The following UMODL1 variants were observed in gnomAD, a reference collection of about 807,000 sequenced individuals.
UMODL1 encodes uromodulin like 1, also known as uromodulin-like 1.
UMODL1 carries 128 observed loss-of-function variants against 136.3 expected under a neutral mutation model. That is an observed-to-expected ratio of 0.94 (90% confidence interval 0.81 to 1.09). UMODL1 has a LOEUF of 1.09. Among genes scored for constraint, UMODL1 ranks in the 50% least tolerant of loss-of-function variants. The pLI, the probability that UMODL1 is intolerant of heterozygous loss-of-function variation, is 0.00. For synonymous variants in UMODL1, 721 were observed against 720.0 expected (o/e 1.00, Z -0.02); for missense variants, 1,766 against 1,725.6 (o/e 1.02, Z -0.41).
intron 20 of UMODL1, 24 bp from the exon 21 acceptor site, chr21:42,129,688 TC>T (rs2067107452): frequency 6.4e-7 from 1 of 1,561,012 alleles, no homozygotes; most frequent in Non-Finnish European, 8.6e-7. Flanking sequence ...ATTTGACGTT[TC>T]TCTTCTTGGA....
At chr21:42,119,489 C>T (rs750200563) in intron 15 of UMODL1, among the ~76,000 whole-genome samples, 165 bp downstream of exon 15, 1 of 152,206 alleles carries the variant, frequency 6.6e-6, no homozygotes, top group Non-Finnish European at 1.5e-5. Flanking sequence ...GTCTGTCCCT[C>T]TTATTGTGAT....
At chr21:42,082,580 C>T (rs563133234) in intron 2 of UMODL1, among the ~76,000 whole-genome samples, 1 of 152,186 alleles carries the variant, frequency 6.6e-6, no homozygotes, top group Admixed American at 6.5e-5. Context: ...GCTGGGCAAG[C>T]CTTCTCTGGG....
At chr21:42,071,273 C>A, upstream of UMODL1, 1 of 1,476,330 alleles carries the variant, frequency 6.8e-7, no homozygotes, top group African/African-American at 1.4e-5. Flanking sequence ...ACCCAGGCTT[C>A]TTGGTAGAGG....
rs761019675 is a variant in UMODL1, at chr21:42,137,548, C to A, written c.3885C>A (p.Tyr1295Ter). ...CAGCCACCCTTCTGATCGTGCGCTACCAGAGAATGAATGGGAGATACAACT... is the reference window on the plus strand; with the variant it reads ...CAGCCACCCTTCTGATCGTGCGCTAACAGAGAATGAATGGGAGATACAACT... ...AGTATLLIVR[Y>*]QRMNGRYNFK... The change falls in exon 22 of 23, where the codon TAC becomes TAA. Residue 1295 changes from tyrosine (Y) to a stop codon, truncating the protein, a stop_gained. Transcript: ENST00000408910. LOFTEE classifies it high-confidence loss of function. 4 of 1,614,182 alleles carry A rather than the reference C, an allele frequency of 2.5e-6. No individual in the cohort carries two copies. Among genetic ancestry groups the A allele is most frequent in the Admixed American group, 3.3e-5 (2 of 60,020 alleles).
At chr21:42,063,918 C>T (rs188044660) in intron 1 of UMODL1, among the ~76,000 whole-genome samples, 136 of 152,342 alleles carry the variant, frequency 8.9e-4, no homozygotes, top group African/African-American at 2.7e-3. Context: ...TCTCGACACC[C>T]TGCGGCCCCC....
Position 42,123,807 on chromosome 21 carries a change from GTGTT to G in UMODL1, c.3147+660_3147+663del, listed in dbSNP as rs201613960. 0.019 allele frequency among the ~76,000 whole-genome samples: 2,960 copies of G among 152,286 alleles called. 80 individuals carry two copies. Among genetic ancestry groups the G allele is most frequent in the African/African-American group, 0.067 (2,801 of 41,544 alleles). On this transcript the variant is annotated intron_variant, in intron 17 of 22. Transcript: ENST00000408910. This position sits in a 1 kb window ranked among gnomAD's most constrained non-coding sequence, Gnocchi z 4.4. ...TGTGTGAGTGTGTATGTATGGGTGTGTGTTTGGGGGGCATTGGATGGCATTAGTC... is the reference window on the plus strand; with the variant it reads ...TGTGTGAGTGTGTATGTATGGGTGTGTGGGGGGCATTGGATGGCATTAGTC...
intron 6 of UMODL1, among the ~76,000 whole-genome samples, chr21:42,092,045 G>T (rs1251911803): frequency 6.6e-6 from 1 of 152,224 alleles, no homozygotes; most frequent in Non-Finnish European, 1.5e-5. Context: ...GCGAGCAAGC[G>T]GTAAGCTGGC....
chr21:42,090,531 C>T (rs900127137), intron 6 of UMODL1, 93 bp downstream of exon 6: 2 of 1,465,308 alleles, frequency 1.4e-6, no homozygotes, highest in Admixed American at 2.1e-5. Flanking sequence ...CTGCAGCATT[C>T]ACCCCGAGAT....
intron 21 of UMODL1, among the ~76,000 whole-genome samples, chr21:42,136,925 T>C (rs1318250950): frequency 6.6e-6 from 1 of 151,958 alleles, no homozygotes; most frequent in Non-Finnish European, 1.5e-5. Flanking sequence ...GCCCGGCTAA[T>C]TTTTGTATTT....
At chr21:42,091,363 G>T (rs1357596335) in intron 6 of UMODL1, among the ~76,000 whole-genome samples, 1 of 152,204 alleles carries the variant, frequency 6.6e-6, no homozygotes, top group African/African-American at 2.4e-5. Flanking sequence ...GGTGTTGGGG[G>T]AAGCATGTAG....
At chr21:42,108,252 GC>G in intron 9 of UMODL1, 1 of 482,114 alleles carries the variant, frequency 2.1e-6, no homozygotes, top group Non-Finnish European at 4.3e-6. Flanking sequence ...AGCCCAGCCA[GC>G]CTAGGCTCCA....
chr21:42,075,534 A>C (rs1411241954), intron 1 of UMODL1, among the ~76,000 whole-genome samples: 2 of 152,202 alleles, frequency 1.3e-5, no homozygotes, highest in Non-Finnish European at 2.9e-5. Context: ...GAACTGCTGC[A>C]CATTCACTTC....
In UMODL1 at chr21:42,125,059, C is replaced by G. The variant is rs117721481; in HGVS notation, c.3148-1286C>G. Among the ~76,000 whole-genome samples, 40 of 152,196 alleles carry G rather than the reference C, an allele frequency of 2.6e-4. No individual in the cohort carries two copies. The East Asian group carries it at 7.8e-3, about 30-fold the overall frequency. On this transcript the variant is annotated intron_variant, in intron 17 of 22. Coordinates refer to ENST00000408910, the MANE Select transcript of UMODL1 (RefSeq NM_001004416.3). ...TGCTGCTTCTGGTTGGGGGTCTGGA[C>G]ACACTCCTTAGTGGGGACAGGGCGG...
intron 6 of UMODL1, among the ~76,000 whole-genome samples, chr21:42,095,417 A>G (rs1484420611): frequency 6.6e-6 from 1 of 151,644 alleles, no homozygotes; most frequent in Non-Finnish European, 1.5e-5. Context: ...CAAGGTCAAC[A>G]TCTTTGTTTT....
intron 22 of UMODL1, among the ~76,000 whole-genome samples, chr21:42,139,686 T>C (rs1054741803): frequency 2.0e-5 from 3 of 152,060 alleles, no homozygotes; most frequent in Admixed American, 1.3e-4. Context: ...AGAAAGCTAG[T>C]GGGATAGTGT....
At chr21:42,135,184 A>G (rs1382239709) in intron 21 of UMODL1, among the ~76,000 whole-genome samples, 1 of 152,244 alleles carries the variant, frequency 6.6e-6, no homozygotes, top group Non-Finnish European at 1.5e-5. Context: ...TACACAGCTC[A>G]TGCCACACGC....
chr21:42,067,619 A>G (rs887895888), upstream of UMODL1, among the ~76,000 whole-genome samples: 10 of 152,276 alleles, frequency 6.6e-5, no homozygotes, highest in Non-Finnish European at 1.2e-4. Context: ...CTGAAAACAC[A>G]CCGGCACGTG....
At chr21:42,121,872 G>A (rs2146527090) in intron 16 of UMODL1, among the ~76,000 whole-genome samples, 1 of 152,318 alleles carries the variant, frequency 6.6e-6, no homozygotes, top group South Asian at 2.1e-4. Context: ...TGGTCTTAAT[G>A]GATAGCTAAG....
At chr21:42,125,883 GGGGCCCTGGGCAGAGC>G (rs1226465325) in intron 17 of UMODL1, among the ~76,000 whole-genome samples, 1 of 152,202 alleles carries the variant, frequency 6.6e-6, no homozygotes, top group African/African-American at 2.4e-5. Flanking sequence ...TCCCAGGACT[GGGGCCCTGGGCAGAGC>G]CTGCAGCCGG....
Sources: allele counts gnomAD v4.1 joint callset (sites outside exome capture counted in the v4.1 genomes callset), GRCh38; gene constraint gnomAD v4.1.1; non-coding constraint Gnocchi (gnomAD v3.1); transcripts MANE v1.5; gene names NCBI Gene and HGNC (gene_info 2026-07-23, HGNC 2026-07-21).